Variants in BIRC6 observed in about 807,000 individuals in gnomAD.
BIRC6 encodes the protein baculoviral IAP repeat containing 6, also known as dual E2 ubiquitin-conjugating enzyme/E3 ubiquitin-protein ligase BIRC6.
BIRC6 carries 98 observed loss-of-function variants against 503.3 expected under a neutral mutation model. The ratio of observed to expected loss-of-function variants is 0.19; its 90% CI spans 0.17 to 0.23. The LOEUF is 0.23. Among genes scored for constraint, BIRC6 ranks in the 10% least tolerant of loss-of-function variants. The probability of loss-of-function intolerance (pLI) is 1.00; values close to 1 mark genes in which losing one functional copy is unlikely to be tolerated. For missense variants in BIRC6, 5,360 were observed against 5,806.0 expected, an observed-to-expected ratio of 0.92 and a Z score of 2.50; for synonymous variants, 2,240 against 2,078.7, an observed-to-expected ratio of 1.08 and a Z score of -2.11.
In BIRC6 at chr2:32,374,939, T is replaced by C. The variant is rs182970220; in HGVS notation, c.326-2649T>C. Among the ~76,000 whole-genome samples the C allele has an allele frequency of 1.1e-3, 160 of 152,232 alleles. 1 individual carries two copies. Among genetic ancestry groups the C allele is most frequent in the African/African-American group, 3.8e-3 (158 of 41,560 alleles). On this transcript the variant is annotated intron_variant, in intron 1 of 73. Coordinates refer to ENST00000421745, the MANE Select transcript of BIRC6 (RefSeq NM_016252.4). ...TTTGATTGAAATTCCGTTAAATCTG[T>C]AGATCCATTTGGGGAGTGTTGAGGT...
At chr2:32,369,948 ATATATATAT>A (rs2035622568) in intron 1 of BIRC6, among the ~76,000 whole-genome samples, 3 of 23,824 alleles carry the variant, frequency 1.3e-4, no homozygotes, top group African/African-American at 5.7e-4. Context: ...AAAAAAAAAT[ATATATATAT>A]ATATATATAT....
intron 4 of BIRC6, among the ~76,000 whole-genome samples, chr2:32,391,599 C>G (rs528075710): frequency 3.3e-5 from 5 of 152,286 alleles, no homozygotes; most frequent in Admixed American, 2.6e-4. Context: ...TTTGTCATGA[C>G]CTTTACCACT....
intron 53 of BIRC6, among the ~76,000 whole-genome samples, 163 bp from the exon 54 acceptor site, chr2:32,512,770 C>T (rs1391088874): frequency 6.6e-6 from 1 of 151,798 alleles, no homozygotes; most frequent in Non-Finnish European, 1.5e-5. Flanking sequence ...TCTTTGTTGC[C>T]GAGAGATTTC....
intron 66 of BIRC6, among the ~76,000 whole-genome samples, chr2:32,585,103 C>T (rs2060939221): frequency 6.6e-6 from 1 of 151,876 alleles, no homozygotes; most frequent in Non-Finnish European, 1.5e-5. Flanking sequence ...AAATAGTTTC[C>T]TAAGGACCAA....
chr2:32,374,237 T>A (rs2036394693), intron 1 of BIRC6, among the ~76,000 whole-genome samples: 1 of 152,190 alleles, frequency 6.6e-6, no homozygotes, highest in Admixed American at 6.5e-5. Context: ...TGGCCATGTT[T>A]ATATAGTCAT....
intron 61 of BIRC6, among the ~76,000 whole-genome samples, chr2:32,537,917 A>G (rs1036523730): frequency 3.3e-5 from 5 of 152,058 alleles, no homozygotes; most frequent in Non-Finnish European, 5.9e-5. Flanking sequence ...CAGTGAGCCA[A>G]GATCGCACCA....
Position 32,546,175 on chromosome 2 carries a change from A to G in BIRC6, c.12810+315A>G, listed in dbSNP as rs183839840. 2.0e-5 allele frequency among the ~76,000 whole-genome samples: 3 copies of G among 152,278 alleles called. No homozygotes were observed. In the East Asian group the frequency reaches 5.8e-4, roughly 29 times the overall value. Reference sequence around the variant, plus strand: ...TTTTTGAACTTTTAAGAATAATACTATAGAATGGGGGTTGTGGGTGGGGAT... The same window carrying G: ...TTTTTGAACTTTTAAGAATAATACTGTAGAATGGGGGTTGTGGGTGGGGAT... On this transcript the variant is annotated intron_variant, in intron 63 of 73. Coordinates refer to ENST00000421745, the MANE Select transcript of BIRC6 (RefSeq NM_016252.4).
chr2:32,614,154 C>T (rs2063080637), intron 73 of BIRC6, among the ~76,000 whole-genome samples: 1 of 152,144 alleles, frequency 6.6e-6, no homozygotes, highest in African/African-American at 2.4e-5. Flanking sequence ...TTATGTATCT[C>T]ATCCTTCATC....
chr2:32,617,358 G>A (rs557077799), intron 73 of BIRC6, among the ~76,000 whole-genome samples: 15 of 152,246 alleles, frequency 9.9e-5, no homozygotes, highest in East Asian at 3.9e-4. Context: ...CTGAGATCGC[G>A]CCAGTGCACT....
chr2:32,504,328 A>G (rs991919439), intron 49 of BIRC6, among the ~76,000 whole-genome samples: 1 of 152,024 alleles, frequency 6.6e-6, no homozygotes, highest in East Asian at 1.9e-4. Flanking sequence ...TAGAATAAAG[A>G]TGATTTTTTT....
At chr2:32,485,531 A>C in intron 39 of BIRC6, 112 bp from the exon 40 acceptor site, 2 of 664,246 alleles carry the variant, frequency 3.0e-6, no homozygotes, top group Non-Finnish European at 5.2e-6. Context: ...CTGTTCTGTA[A>C]GAACACACTC....
At chr2:32,520,884 T>A (rs552761035) in intron 57 of BIRC6, among the ~76,000 whole-genome samples, 6 of 152,172 alleles carry the variant, frequency 3.9e-5, no homozygotes, top group Non-Finnish European at 8.8e-5. Flanking sequence ...GTTATTGATA[T>A]TGATATTTCA....
chr2:32,558,237 G>A (rs1227545184), intron 65 of BIRC6, among the ~76,000 whole-genome samples: 1 of 152,032 alleles, frequency 6.6e-6, no homozygotes, highest in African/African-American at 2.4e-5. Flanking sequence ...TGCCATTTAC[G>A]TATTCTGTAT....
intron 63 of BIRC6, among the ~76,000 whole-genome samples, chr2:32,546,320 C>G (rs1262255518): frequency 6.6e-6 from 1 of 152,128 alleles, no homozygotes; most frequent in Non-Finnish European, 1.5e-5. Flanking sequence ...TGGCTCATGC[C>G]TGTAATCCCA....
At chr2:32,517,534 C>G (rs1364513923) in intron 55 of BIRC6, among the ~76,000 whole-genome samples, 1 of 152,078 alleles carries the variant, frequency 6.6e-6, no homozygotes, top group Non-Finnish European at 1.5e-5. Flanking sequence ...CTCTTTGTGT[C>G]CCATTGATTT....
intron 61 of BIRC6, among the ~76,000 whole-genome samples, chr2:32,537,435 A>G (rs1049848158): frequency 3.3e-5 from 5 of 152,194 alleles, no homozygotes; most frequent in Non-Finnish European, 5.9e-5. Flanking sequence ...GTGCAATCAA[A>G]CTAGAACTCA....
chr2:32,538,534 G>T (rs893765174), intron 61 of BIRC6, among the ~76,000 whole-genome samples: 1 of 152,220 alleles, frequency 6.6e-6, no homozygotes, highest in African/African-American at 2.4e-5. Context: ...AAGCCTCTAA[G>T]TTCAGGGTGA....
chr2:32,411,212 A>G (rs2041835266), intron 9 of BIRC6, among the ~76,000 whole-genome samples: 2 of 149,792 alleles, frequency 1.3e-5, no homozygotes, highest in South Asian at 2.1e-4. Context: ...CTAATTTTGT[A>G]TTTTTAGTAG....
chr2:32,609,365 T>A (rs948480002), intron 72 of BIRC6, among the ~76,000 whole-genome samples: 1 of 151,952 alleles, frequency 6.6e-6, no homozygotes, highest in South Asian at 2.1e-4. Flanking sequence ...AATAGAATTA[T>A]ACTTTTCACC....
Sources: gnomAD v4.1 joint callset for allele counts (sites outside exome capture counted in the v4.1 genomes callset) on GRCh38, gnomAD v4.1.1 for gene constraint, MANE v1.5 for transcripts, NCBI Gene and HGNC (gene_info 2026-07-23, HGNC 2026-07-21) for gene names.